Variants in SNX5 observed in about 807,000 individuals in gnomAD.
SNX5 encodes the protein sorting nexin-5.
Under a neutral mutation model 53.9 loss-of-function variants are expected in SNX5, and 31 were observed. The observed-to-expected ratio is 0.58, with a 90% CI of 0.43 to 0.78. The LOEUF (loss-of-function observed/expected upper bound fraction) is 0.78, where lower values mean the gene tolerates loss of function less well. Among genes scored for constraint, SNX5 ranks in the 30% least tolerant of loss-of-function variants. The pLI, the probability that SNX5 is intolerant of heterozygous loss-of-function variation, is 0.00. For synonymous variants in SNX5, 168 were observed against 171.1 expected, an observed-to-expected ratio of 0.98 and a Z score of 0.14; for missense variants, 471 against 478.8, an observed-to-expected ratio of 0.98 and a Z score of 0.15.
chr20:17,957,022 C>T lies in SNX5; in HGVS notation c.67G>A (p.Val23Met), dbSNP rs1350964494. Residue 23 changes from valine to methionine, a missense_variant, in exon 2 of 13, where the codon GTG becomes ATG. Physicochemically the swap from Val to Met is conservative, Grantham distance 21 (BLOSUM62 1). Coordinates refer to ENST00000377759, the MANE Select transcript of SNX5 (RefSeq NM_014426.4). Reference protein sequence around the residue: ...EDRSKLRSVSVDLNVDPSLQI... With the variant: ...EDRSKLRSVSMDLNVDPSLQI... ...AGCGAGGGATCAACATTCAGGTCCACAGATACAGATCTCAGCTGAAATACA... is the reference window on the plus strand; with the variant it reads ...AGCGAGGGATCAACATTCAGGTCCATAGATACAGATCTCAGCTGAAATACA... 1 of 1,590,912 alleles carries T rather than the reference C, an allele frequency of 6.3e-7. No homozygotes were observed. Among genetic ancestry groups the T allele is most frequent in the South Asian group, 1.1e-5 (1 of 90,614 alleles).
At chr20:17,968,096 GATC>G in intron 1 of SNX5, 1 of 398,810 alleles carries the variant, frequency 2.5e-6, no homozygotes, top group Non-Finnish European at 4.4e-6. Context: ...GGTCTCCAGA[GATC>G]ATCTCTCCAA....
chr20:17,956,976 G>GC lies in SNX5; in HGVS notation c.112dup (p.Ala38GlyfsTer4), dbSNP rs761822881. 5 of 1,607,692 alleles carry GC rather than the reference G, an allele frequency of 3.1e-6. No individual in the cohort carries two copies. The highest frequency in any genetic ancestry group is 2.2e-5 in the East Asian group (1 of 44,850). On this transcript the variant is annotated frameshift_variant, in exon 2 of 13. Coordinates refer to ENST00000377759, the MANE Select transcript of SNX5 (RefSeq NM_014426.4). LOFTEE classifies it high-confidence loss of function. ...TTTGACTTTGTCTCTCTCACTGAGCGCATCAGGTATGTCAATCTGAAGCGA... is the reference window on the plus strand; with the variant it reads ...TTTGACTTTGTCTCTCTCACTGAGCGCCATCAGGTATGTCAATCTGAAGCGA...
At chr20:17,961,507 A>T (rs2035448267) in intron 1 of SNX5, 1 of 985,316 alleles carries the variant, frequency 1.0e-6, no homozygotes, top group Non-Finnish European at 1.2e-6. Flanking sequence ...TTGAACAGTC[A>T]TTTAAATCTA....
chr20:17,966,169 C>T (rs1054835403), intron 1 of SNX5, among the ~76,000 whole-genome samples: 1 of 152,008 alleles, frequency 6.6e-6, no homozygotes, highest in Non-Finnish European at 1.5e-5. Context: ...CACTAGGCTG[C>T]GAAGGTCGAG....
Position 17,968,461 on chromosome 20 carries a change from T to G in SNX5, c.-36A>C. ...GACTCGAGCAGGGGCCGCCTGGCTG[T>G]GCGAGGAAAGAAGAAGCTGGGCCGC... is the stretch of plus-strand genomic sequence containing the variant. On this transcript the variant is annotated 5_prime_UTR_variant, in exon 1 of 13. Transcript: ENST00000377759. 1.6e-6 allele frequency: 2 copies of G among 1,287,646 alleles called. No homozygotes were observed. Among genetic ancestry groups the G allele is most frequent in the South Asian group, 5.7e-5 (2 of 35,146 alleles). 79.8% of individuals were successfully genotyped at this position (1,287,646 alleles called of 1,614,324 possible).
intron 11 of SNX5, among the ~76,000 whole-genome samples, chr20:17,946,546 T>C (rs2039489997): frequency 6.6e-6 from 1 of 151,988 alleles, no homozygotes. Flanking sequence ...AAACTGGGAG[T>C]CCATGACTCT....
rs144709498 is a variant in SNX5, at chr20:17,956,173, A to C, written c.157-698T>G. 2.2e-3 allele frequency among the ~76,000 whole-genome samples: 334 copies of C among 152,252 alleles called. 4 individuals are homozygous for C. The highest frequency in any genetic ancestry group is 7.9e-3 in the African/African-American group (328 of 41,534). ...TAAAAAAACCTCTTAGCTGTAACTT[A>C]CTATGGTTCTAAAAATTGTCCCTGG... On this transcript the variant is annotated intron_variant, in intron 2 of 12. Coordinates refer to ENST00000377759, the MANE Select transcript of SNX5 (RefSeq NM_014426.4).
At chr20:17,952,519 C>A in intron 5 of SNX5, 68 bp downstream of exon 5, 2 of 1,461,262 alleles carry the variant, frequency 1.4e-6, no homozygotes, top group Non-Finnish European at 9.3e-7. Context: ...GCAGTAGAAA[C>A]TATCAAGTAC....
At chr20:17,951,940 G>A (rs977661853) in intron 5 of SNX5, among the ~76,000 whole-genome samples, 28 of 152,220 alleles carry the variant, frequency 1.8e-4, no homozygotes, top group Admixed American at 1.3e-3. Flanking sequence ...GTCATAATTC[G>A]CGGCCGGGCG....
intron 1 of SNX5, 85 bp downstream of exon 1, chr20:17,968,290 C>T (rs6034930): frequency 1.8e-6 from 2 of 1,140,484 alleles, no homozygotes; most frequent in South Asian, 8.3e-5. Flanking sequence ...CAGCCACGGC[C>T]TATGGACGCG....
chr20:17,965,277 G>T (rs544603159), intron 1 of SNX5, among the ~76,000 whole-genome samples: 3 of 152,274 alleles, frequency 2.0e-5, no homozygotes, highest in South Asian at 4.1e-4. Context: ...CTACAACCCA[G>T]AGGGCACTCC....
In SNX5 at chr20:17,951,496, T is replaced by C. The variant is rs746097097; in HGVS notation, c.609+4A>G. ...ATTTTCTCCAACAGCCAAAGGTCAC[T>C]TACCTTAACTCCAGTAAAAAGGACT... On this transcript the variant is annotated splice_donor_region_variant and intron_variant, in intron 6 of 12. Transcript: ENST00000377759. The C allele has an allele frequency of 2.5e-5, 40 of 1,602,646 alleles. No individual in the cohort carries two copies. The highest frequency in any genetic ancestry group is 3.2e-5 in the Non-Finnish European group (38 of 1,172,078).
At chr20:17,956,396 TACAGAG>T (rs1443952770) in intron 2 of SNX5, among the ~76,000 whole-genome samples, 1 of 152,190 alleles carries the variant, frequency 6.6e-6, no homozygotes, top group African/African-American at 2.4e-5. Context: ...AAAAGCAAGC[TACAGAG>T]ACAAACTTCC....
At position 17,954,099 on chromosome 20, in the gene SNX5, T is replaced by G; in HGVS notation, c.286A>C (p.Lys96Gln). The G allele has an allele frequency of 2.5e-6, 4 of 1,613,858 alleles. No homozygotes were observed. Among genetic ancestry groups the G allele is most frequent in the Non-Finnish European group, 3.4e-6 (4 of 1,179,780 alleles). The change falls in exon 4 of 13, where the codon AAG (lysine) becomes CAG (glutamine). Residue 96 changes from lysine (K) to glutamine (Q), a missense_variant. Physicochemically the swap from Lys to Gln is moderately conservative, Grantham distance 53. Coordinates refer to ENST00000377759, the MANE Select transcript of SNX5 (RefSeq NM_014426.4). ...AGLIIPPAPT[K>Q]PDFDGPREKM... is the part of the protein sequence containing the mutation. ...TCTCGAGGACCATCAAAGTCGGGCT[T>G]CGTAGGAGCAGGTGGAATCTGCAGC...
rs1005565682 is a variant in SNX5, at chr20:17,950,439, C to T, written c.610-43G>A. The T allele has an allele frequency of 2.2e-5, 24 of 1,100,016 alleles. 1 individual carries two copies. Among genetic ancestry groups the T allele is most frequent in the South Asian group, 3.9e-5 (3 of 76,618 alleles). 68.1% of individuals were successfully genotyped at this position (1,100,016 alleles called of 1,614,324 possible). ...AGAACCAGACATTTCATGAAATATA[C>T]TATCCCTGCAGCCTTTTACATTTAT... is the stretch of plus-strand genomic sequence containing the variant. On this transcript the variant is annotated intron_variant, in intron 6 of 12. Coordinates refer to ENST00000377759, the MANE Select transcript of SNX5 (RefSeq NM_014426.4).
intron 1 of SNX5, among the ~76,000 whole-genome samples, chr20:17,957,413 C>T (rs1188261093): frequency 4.4e-5 from 6 of 136,040 alleles, no homozygotes; most frequent in South Asian, 2.3e-4. Flanking sequence ...CTAGCCTGGG[C>T]GACAGAGCGA....
chr20:17,963,264 G>C (rs753064015), intron 1 of SNX5, among the ~76,000 whole-genome samples: 1 of 152,086 alleles, frequency 6.6e-6, no homozygotes, highest in Non-Finnish European at 1.5e-5. Context: ...AGGATCGCCC[G>C]CGGCCAGGAG....
chr20:17,960,119 T>C (rs547209545), intron 1 of SNX5, among the ~76,000 whole-genome samples: 6 of 152,316 alleles, frequency 3.9e-5, no homozygotes, highest in African/African-American at 1.2e-4. Flanking sequence ...AGGTCACTTG[T>C]AAGAATCAAA....
At position 17,948,989 on chromosome 20, in the gene SNX5, G is replaced by C; in HGVS notation, c.832-13C>G. ...GACCCTCTACTTTCTATATAGAAAA[G>C]GAAAGGTCACCATCAAGGCAGAAAG... On this transcript the variant is annotated splice_polypyrimidine_tract_variant and intron_variant, in intron 9 of 12. Transcript: ENST00000377759. 6.2e-7 allele frequency: 1 copy of C among 1,611,412 alleles called. No individual in the cohort carries two copies. The highest frequency in any genetic ancestry group is 8.5e-7 in the Non-Finnish European group (1 of 1,178,608).
Sources: allele counts gnomAD v4.1 joint callset (sites outside exome capture counted in the v4.1 genomes callset), GRCh38; gene constraint gnomAD v4.1.1; transcripts MANE v1.5; gene names NCBI Gene and HGNC (gene_info 2026-07-23, HGNC 2026-07-21).